The following FAM53A variants were observed in gnomAD, a reference collection of about 807,000 sequenced individuals.
FAM53A encodes protein FAM53A.
A neutral mutation model predicts 26.6 loss-of-function variants in FAM53A; 28 were observed. That is an observed-to-expected ratio of 1.05 (90% confidence interval 0.78 to 1.45). The LOEUF (loss-of-function observed/expected upper bound fraction) is 1.45. FAM53A is among the 40% of genes most tolerant of loss of function. The pLI is 0.00. For synonymous variants in FAM53A, 290 were observed against 253.1 expected, an observed-to-expected ratio of 1.15 and a Z score of -1.38; for missense variants, 650 against 575.8, an observed-to-expected ratio of 1.13 and a Z score of -1.32.
intron 4 of FAM53A, among the ~76,000 whole-genome samples, chr4:1,649,933 TTGAC>T (rs879122648): frequency 1.6e-3 from 208 of 127,482 alleles, no homozygotes; most frequent in African/African-American, 6.1e-3. Context: ...GGCGTGGCGT[TTGAC>T]TGTGAGGTGG....
At chr4:1,683,716 G>A (rs1039513226) in intron 1 of FAM53A, 1 of 152,254 alleles carries the variant, frequency 6.6e-6, no homozygotes, top group Admixed American at 6.5e-5. Context: ...CACAGGCTGC[G>A]TGGGAAACAG....
chr4:1,610,349 C>T, the FAM53A span, among the ~76,000 whole-genome samples: 5 of 152,204 alleles, frequency 3.3e-5, no homozygotes, highest in Non-Finnish European at 7.3e-5. Context: ...CGCCTCAGGA[C>T]ACCGCCCGTG....
intron 1 of FAM53A, among the ~76,000 whole-genome samples, chr4:1,680,793 C>CA (rs1238604601): frequency 6.8e-6 from 1 of 146,914 alleles, no homozygotes; most frequent in African/African-American, 2.7e-5. Context: ...TTTAAAAAAA[C>CA]AAACAAAAAA....
the FAM53A span, among the ~76,000 whole-genome samples, chr4:1,611,209 C>A: frequency 6.6e-6 from 1 of 152,214 alleles, no homozygotes; most frequent in South Asian, 2.1e-4. Context: ...TGTGTGTGGC[C>A]TTCACTCCTC....
chr4:1,616,418 C>G (rs1016273814), downstream of FAM53A, among the ~76,000 whole-genome samples: 2 of 143,350 alleles, frequency 1.4e-5, no homozygotes, highest in African/African-American at 5.9e-5. Context: ...CTGGATGACA[C>G]GGGAGCCGAG....
chr4:1,615,011 CATTT>C (rs1246959593), downstream of FAM53A, among the ~76,000 whole-genome samples: 1 of 152,250 alleles, frequency 6.6e-6, no homozygotes, highest in Non-Finnish European at 1.5e-5. Context: ...CAAAAAAGGA[CATTT>C]ACAGATGAGC....
intron 4 of FAM53A, chr4:1,644,591 G>T: frequency 2.2e-6 from 1 of 460,544 alleles, no homozygotes; most frequent in Non-Finnish European, 3.9e-6. Context: ...CCAGCCCCGG[G>T]GCTCCGTCCC....
the FAM53A span, among the ~76,000 whole-genome samples, chr4:1,605,784 C>T: frequency 2.0e-5 from 3 of 152,136 alleles, no homozygotes; most frequent in African/African-American, 2.4e-5. This position sits in a 1 kb window ranked among gnomAD's most constrained non-coding sequence, Gnocchi z 5.7. Flanking sequence ...GCACAGCTTT[C>T]GAGGTTGCTG....
At chr4:1,622,743 G>A (rs1017784892) in intron 1 of FAM53A, among the ~76,000 whole-genome samples, 22 of 152,148 alleles carry the variant, frequency 1.4e-4, no homozygotes, top group Non-Finnish European at 2.2e-4. Flanking sequence ...GATCCTGCCC[G>A]CAGCCATCTC....
chr4:1,617,147 AGTTTCATTTATATT>A (rs1182348218), downstream of FAM53A, among the ~76,000 whole-genome samples: 380 of 126,178 alleles, frequency 3.0e-3, no homozygotes, highest in African/African-American at 0.012. Context: ...TTTAAAAAAA[AGTTTCATTTATATT>A]TACAAATCAA....
chr4:1,601,906 T>C, the FAM53A span, among the ~76,000 whole-genome samples: 1 of 36,032 alleles, frequency 2.8e-5, no homozygotes, highest in African/African-American at 6.8e-5. Flanking sequence ...GTCCAGCTTG[T>C]GTGGGGCCTG....
chr4:1,588,704 C>A, the FAM53A span, among the ~76,000 whole-genome samples: 1 of 152,228 alleles, frequency 6.6e-6, no homozygotes, highest in Non-Finnish European at 1.5e-5. Context: ...TCCTGAGAGA[C>A]CCTGAGCCAG....
chr4:1,617,554 G>A (rs932145614), downstream of FAM53A, among the ~76,000 whole-genome samples: 25 of 152,186 alleles, frequency 1.6e-4, no homozygotes, highest in African/African-American at 6.0e-4. Context: ...ACATAATTTA[G>A]GAAACTCAAG....
intron 4 of FAM53A, among the ~76,000 whole-genome samples, chr4:1,643,081 TC>T (rs755315551): frequency 1.3e-5 from 2 of 152,164 alleles, no homozygotes; most frequent in African/African-American, 4.8e-5. Context: ...CTCAAACACT[TC>T]CTGGAAACAC....
At chr4:1,635,203 T>C (rs1560123356), downstream of FAM53A, among the ~76,000 whole-genome samples, 2 of 152,232 alleles carry the variant, frequency 1.3e-5, no homozygotes, top group African/African-American at 4.8e-5. Context: ...TTGCCAGTTA[T>C]TTGGTCTCAC....
chr4:1,684,492 G>T (rs976500116), upstream of FAM53A, among the ~76,000 whole-genome samples: 2 of 150,704 alleles, frequency 1.3e-5, no homozygotes, highest in African/African-American at 4.8e-5. Context: ...CGCCCACCGA[G>T]TCCGCAGCGC....
At chr4:1,602,960 C>G in the FAM53A span, among the ~76,000 whole-genome samples, 1 of 152,184 alleles carries the variant, frequency 6.6e-6, no homozygotes, top group African/African-American at 2.4e-5. Context: ...ATGGGGGCCG[C>G]CCTCCTGGCT....
chr4:1,611,188 T>TG, the FAM53A span, among the ~76,000 whole-genome samples: 1 of 152,202 alleles, frequency 6.6e-6, no homozygotes, highest in Admixed American at 6.5e-5. Flanking sequence ...GTCCCTCATT[T>TG]GCAGCGACAC....
intron 4 of FAM53A, among the ~76,000 whole-genome samples, chr4:1,651,478 C>T (rs1468473527): frequency 2.6e-5 from 4 of 151,002 alleles, no homozygotes; most frequent in African/African-American, 9.8e-5. Flanking sequence ...GTTGCAGTGA[C>T]CGGAGATCGT....
Sources: allele counts gnomAD v4.1 joint callset (sites outside exome capture counted in the v4.1 genomes callset), GRCh38; gene constraint gnomAD v4.1.1; non-coding constraint Gnocchi (gnomAD v3.1); transcripts MANE v1.5; gene names NCBI Gene and HGNC (gene_info 2026-07-23, HGNC 2026-07-21).